The following RICTOR variants were observed in gnomAD, a reference collection of about 807,000 sequenced individuals.
RICTOR encodes the protein RPTOR independent companion of MTOR complex 2, also known as rapamycin-insensitive companion of mTOR.
RICTOR carries 49 observed loss-of-function variants against 214.9 expected under a neutral mutation model. That is an observed-to-expected ratio of 0.23 (90% CI 0.18 to 0.29). The LOEUF (loss-of-function observed/expected upper bound fraction) is 0.29. Ranked by LOEUF, RICTOR falls within the 10% of genes least tolerant of loss-of-function variation. The probability of loss-of-function intolerance (pLI) is 1.00; values close to 1 mark genes in which losing one functional copy is unlikely to be tolerated. For synonymous variants in RICTOR, 717 were observed against 711.3 expected (o/e 1.01, Z -0.13); for missense variants, 1,625 against 2,047.0 (o/e 0.79, Z 3.98).
At chr5:38,958,387 T>A (rs992434331) in intron 24 of RICTOR, 56 bp downstream of exon 24, 3 of 1,108,976 alleles carry the variant, frequency 2.7e-6, no homozygotes, top group Admixed American at 1.7e-5. Context: ...ATCTTTAATA[T>A]ACACTGCCAA....
chr5:38,959,622 TAAC>T (rs1211615124), intron 21 of RICTOR, among the ~76,000 whole-genome samples, 154 bp downstream of exon 21: 2 of 152,116 alleles, frequency 1.3e-5, no homozygotes, highest in African/African-American at 2.4e-5. Flanking sequence ...AAGCATTTAA[TAAC>T]AACAATTTTA....
Position 38,967,927 on chromosome 5 carries a change from G to A in RICTOR, c.1060+16C>T. Reference sequence around the variant, plus strand: ...TTACAATATATGAAAAGATACAAATGTACTTCAATACTTACCTACACTGAG... The same window carrying A: ...TTACAATATATGAAAAGATACAAATATACTTCAATACTTACCTACACTGAG... On this transcript the variant is annotated intron_variant, in intron 12 of 37. Transcript: ENST00000357387. The A allele has an allele frequency of 1.5e-6, 2 of 1,295,234 alleles. No individual in the cohort carries two copies. The allele number at this position is 1,295,234 out of a possible 1,614,324, so 80.2% of individuals were successfully genotyped here. A position where few individuals can be genotyped will look rare whatever the true frequency, so the allele number is the denominator to read the frequency against.
In RICTOR at chr5:38,942,396, T is replaced by G. The variant is rs763738012; in HGVS notation, c.5053-18A>C. The G allele has an allele frequency of 2.4e-5, 36 of 1,509,034 alleles. No homozygotes were observed. The highest frequency in any genetic ancestry group is 2.7e-5 in the Non-Finnish European group (29 of 1,094,280). 93.5% of individuals were successfully genotyped at this position (1,509,034 alleles called of 1,614,324 possible). ...TCATGCATCTAGGGAAAAAATGGTG[T>G]ATCATCAATTACTTTTATAAAAACA... On this transcript the variant is annotated intron_variant, in intron 37 of 37. Coordinates refer to ENST00000357387, the MANE Select transcript of RICTOR (RefSeq NM_152756.5).
rs762048423 is a variant in RICTOR at position 38,967,367 on chromosome 5, T to C, written c.1121A>G (p.Lys374Arg). 3.1e-6 allele frequency: 5 copies of C among 1,613,986 alleles called. No homozygotes were observed. Among genetic ancestry groups the C allele is most frequent in the Non-Finnish European group, 4.2e-6 (5 of 1,179,916 alleles). The change falls in exon 13 of 38, where the codon AAA (lysine) becomes AGA (arginine). Residue 374 changes from lysine to arginine, a missense_variant. Physicochemically the swap from Lys to Arg is conservative, Grantham distance 26 (BLOSUM62 2). Around this residue, in one of 5 missense-constraint regions of RICTOR, gnomAD observed 1,214 missense variants for 1,470.5 expected, o/e 0.83. Coordinates refer to ENST00000357387, the MANE Select transcript of RICTOR (RefSeq NM_152756.5). ...LSDGFVAAEA[K>R]TILPHRARSR... Reference sequence around the variant, plus strand: ...TCTGGCACGATGAGGAAGAATAGTTTTTGCCTCAGCTGCCACAAAGCCATC... The same window carrying C: ...TCTGGCACGATGAGGAAGAATAGTTCTTGCCTCAGCTGCCACAAAGCCATC...
At chr5:39,018,217 C>T (rs1242740649) in intron 3 of RICTOR, among the ~76,000 whole-genome samples, 1 of 152,060 alleles carries the variant, frequency 6.6e-6, no homozygotes, top group Non-Finnish European at 1.5e-5. Flanking sequence ...TACTAGAGAT[C>T]AAGTCAATAT....
At chr5:39,059,528 A>G (rs1309009371) in intron 2 of RICTOR, among the ~76,000 whole-genome samples, 1 of 152,180 alleles carries the variant, frequency 6.6e-6, no homozygotes, top group Non-Finnish European at 1.5e-5. Flanking sequence ...TCAATAAAGG[A>G]AAGTTTTTAT....
At chr5:39,057,821 A>G in intron 2 of RICTOR, among the ~76,000 whole-genome samples, 1 of 152,150 alleles carries the variant, frequency 6.6e-6, no homozygotes, top group Non-Finnish European at 1.5e-5. Context: ...CCACACTTCC[A>G]AAGAGTGTAT....
At chr5:38,997,623 AC>A (rs1753271757) in intron 5 of RICTOR, among the ~76,000 whole-genome samples, 1 of 152,118 alleles carries the variant, frequency 6.6e-6, no homozygotes, top group South Asian at 2.1e-4. Context: ...AGAGGTTCTG[AC>A]TGTCTTCCCA....
At chr5:39,008,856 A>G (rs1379751480) in intron 3 of RICTOR, among the ~76,000 whole-genome samples, 1 of 152,014 alleles carries the variant, frequency 6.6e-6, no homozygotes, top group African/African-American at 2.4e-5. Context: ...ACCATACATG[A>G]GTAAGAAAGA....
intron 11 of RICTOR, chr5:38,970,691 G>A (rs1411031035): frequency 2.7e-5 from 4 of 146,294 alleles, no homozygotes; most frequent in Non-Finnish European, 4.4e-5. Context: ...CATTTAAGGA[G>A]AAAGGAAAAA....
chr5:39,059,527 G>T (rs938246930), intron 2 of RICTOR, among the ~76,000 whole-genome samples: 1 of 152,050 alleles, frequency 6.6e-6, no homozygotes, highest in Admixed American at 6.6e-5. Context: ...TTCAATAAAG[G>T]AAAGTTTTTA....
chr5:39,038,330 A>T (rs1206279454), intron 2 of RICTOR, among the ~76,000 whole-genome samples: 1 of 152,246 alleles, frequency 6.6e-6, no homozygotes, highest in African/African-American at 2.4e-5. Context: ...CAAAATAATA[A>T]GAGCTATTTA....
At chr5:39,028,811 T>A (rs1417423356) in intron 2 of RICTOR, among the ~76,000 whole-genome samples, 1 of 152,074 alleles carries the variant, frequency 6.6e-6, no homozygotes, top group Non-Finnish European at 1.5e-5. Flanking sequence ...GGCAGGAGGA[T>A]CCCTTGAGCC....
In RICTOR at chr5:38,991,054, A is replaced by G. The variant is rs1443038294; in HGVS notation, c.478T>C (p.Leu160=). Residue 160 remains leucine (L), a synonymous_variant, in exon 7 of 38, where the codon TTG becomes CTG. Coordinates refer to ENST00000357387, the MANE Select transcript of RICTOR (RefSeq NM_152756.5). ...GAGTTGGTCACAGAACTAGGAAACA[A>G]GGAAGCATTCACAGTAATCATCTGT... The part of the protein sequence containing the change: ...VRKMITVNAS[L]FPSSVTNSLI... 6.3e-7 allele frequency: 1 copy of G among 1,596,130 alleles called. No homozygotes were observed. The highest frequency in any genetic ancestry group is 8.6e-7 in the Non-Finnish European group (1 of 1,169,390).
At chr5:39,063,845 A>G (rs1758715379) in intron 2 of RICTOR, among the ~76,000 whole-genome samples, 1 of 152,144 alleles carries the variant, frequency 6.6e-6, no homozygotes, top group African/African-American at 2.4e-5. Context: ...TAAAAAAAAA[A>G]AGGAAAAGTA....
At position 38,962,512 on chromosome 5, in the gene RICTOR, A is replaced by G. The variant is rs375342267; in HGVS notation, c.1641T>C (p.Asn547=). The G allele has an allele frequency of 8.8e-5, 139 of 1,579,244 alleles. No individual in the cohort carries two copies. Among genetic ancestry groups the G allele is most frequent in the Non-Finnish European group, 1.1e-4 (124 of 1,155,566 alleles). The change falls in exon 18 of 38, where the codon AAT becomes AAC. Residue 547 remains asparagine, a synonymous_variant. Transcript: ENST00000357387. ...VLQHKENLEW[N]WNLIGTILKW... is the part of the protein sequence containing the mutation. The stretch of plus-strand genomic sequence containing the variant: ...TAAGAATGGTCCCTATAAGATTCCA[A>G]TTCCATTCAAGATTCTCTTTATGTT...
rs758079368 is a variant in RICTOR at position 38,952,433 on chromosome 5, T to C, written c.2898-8A>G. The C allele has an allele frequency of 3.2e-6, 5 of 1,546,002 alleles. No homozygotes were observed. The Admixed American group carries it at 8.4e-5, about 26-fold the overall frequency. ...AGTACATATACACAGGTCCTGTATA[T>C]AAAAGATGCAGTAAAAACAGTTATA... On this transcript the variant is annotated splice_region_variant and splice_polypyrimidine_tract_variant and intron_variant, in intron 29 of 37. Transcript: ENST00000357387.
chr5:39,052,662 C>T (rs1757932830), intron 2 of RICTOR, among the ~76,000 whole-genome samples: 1 of 152,050 alleles, frequency 6.6e-6, no homozygotes, highest in Non-Finnish European at 1.5e-5. Context: ...AGTGGGGATC[C>T]TGGGGAAGAT....
chr5:39,062,471 T>C (rs1758612100), intron 2 of RICTOR, among the ~76,000 whole-genome samples: 1 of 151,904 alleles, frequency 6.6e-6, no homozygotes. Flanking sequence ...GTGGTAAACA[T>C]TAGAAAGTGC....
Sources: allele counts gnomAD v4.1 joint callset (sites outside exome capture counted in the v4.1 genomes callset), GRCh38; gene constraint gnomAD v4.1.1; regional missense constraint gnomAD v4.1.1; transcripts MANE v1.5; gene names NCBI Gene and HGNC (gene_info 2026-07-23, HGNC 2026-07-21).